The following EXOC6B variants were observed in gnomAD, a reference collection of about 807,000 sequenced individuals.
The protein encoded by EXOC6B is SEC15 homolog B.
Under a neutral mutation model 113.5 loss-of-function variants are expected in EXOC6B, and 54 were observed. That is an observed-to-expected ratio of 0.48 (90% CI 0.38 to 0.60). EXOC6B has a LOEUF of 0.60. Among genes scored for constraint, EXOC6B ranks in the 20% least tolerant of loss-of-function variants. The probability of loss-of-function intolerance (pLI) is 0.00; values close to 1 mark genes in which losing one functional copy is unlikely to be tolerated. For synonymous variants in EXOC6B, 357 were observed against 339.0 expected, an observed-to-expected ratio of 1.05 and a Z score of -0.58; for missense variants, 797 against 977.5, an observed-to-expected ratio of 0.82 and a Z score of 2.46.
chr2:72,546,002 C>T (rs1702878791), intron 8 of EXOC6B, among the ~76,000 whole-genome samples: 1 of 152,196 alleles, frequency 6.6e-6, no homozygotes, highest in Non-Finnish European at 1.5e-5. Flanking sequence ...TCTTTGGTTA[C>T]ATGACTATGG....
At chr2:72,395,875 T>C (rs752235308) in intron 18 of EXOC6B, among the ~76,000 whole-genome samples, 20 of 152,082 alleles carry the variant, frequency 1.3e-4, no homozygotes, top group Non-Finnish European at 2.4e-4. Flanking sequence ...TGGCACATAA[T>C]TGGGGCTCAA....
At chr2:72,468,808 A>G (rs1347041549) in intron 17 of EXOC6B, among the ~76,000 whole-genome samples, 1 of 152,044 alleles carries the variant, frequency 6.6e-6, no homozygotes, top group African/African-American at 2.4e-5. Flanking sequence ...TTTTTCTTCA[A>G]TGTTTTGTAG....
intron 20 of EXOC6B, among the ~76,000 whole-genome samples, chr2:72,265,239 T>TTTTTTATTATTATTATTA (rs369845723): frequency 6.8e-6 from 1 of 146,848 alleles, no homozygotes; most frequent in African/African-American, 2.5e-5. Context: ...TAACTATTCT[T>TTTTTTATTATTATTATTA]TTATTATTAT....
intron 1 of EXOC6B, among the ~76,000 whole-genome samples, chr2:72,747,959 T>C (rs371575138): frequency 6.6e-6 from 1 of 152,064 alleles, no homozygotes. Context: ...GGAGAGACTA[T>C]GTCTTACCCA....
At chr2:72,402,521 T>C (rs1693405665) in intron 18 of EXOC6B, among the ~76,000 whole-genome samples, 1 of 152,224 alleles carries the variant, frequency 6.6e-6, no homozygotes, top group African/African-American at 2.4e-5. Context: ...GCATTTCTTG[T>C]AGGGCTTGTC....
chr2:72,472,688 G>T (rs1268792845), intron 17 of EXOC6B, among the ~76,000 whole-genome samples: 1 of 151,732 alleles, frequency 6.6e-6, no homozygotes, highest in Non-Finnish European at 1.5e-5. Flanking sequence ...TTTCTTTTCA[G>T]TTCTACTATG....
intron 20 of EXOC6B, among the ~76,000 whole-genome samples, chr2:72,277,827 A>G (rs1473138257): frequency 1.4e-5 from 2 of 139,452 alleles, no homozygotes; most frequent in African/African-American, 6.3e-5. Flanking sequence ...AAATCATTTC[A>G]CCAAAATTAA....
chr2:72,796,700 A>G (rs1212171764), intron 1 of EXOC6B, among the ~76,000 whole-genome samples: 4 of 152,056 alleles, frequency 2.6e-5, no homozygotes, highest in Admixed American at 2.0e-4. Context: ...AAAAAAAAAA[A>G]TCTTCCTATC....
At chr2:72,349,855 G>A (rs957851527) in intron 19 of EXOC6B, among the ~76,000 whole-genome samples, 20 of 152,252 alleles carry the variant, frequency 1.3e-4, no homozygotes, top group Admixed American at 1.0e-3. Flanking sequence ...CAGGTGGCCC[G>A]AGGACACCAG....
intron 2 of EXOC6B, among the ~76,000 whole-genome samples, chr2:72,738,679 G>A (rs1346651552): frequency 6.6e-6 from 1 of 152,152 alleles, no homozygotes; most frequent in Non-Finnish European, 1.5e-5. Flanking sequence ...ACGCACTATT[G>A]AGATTCTTTA....
chr2:72,814,086 T>C (rs189847325), intron 1 of EXOC6B, among the ~76,000 whole-genome samples: 112 of 152,296 alleles, frequency 7.4e-4, no homozygotes, highest in African/African-American at 2.6e-3. Flanking sequence ...TACCAAAAGA[T>C]ATGCGTGAGT....
intron 8 of EXOC6B, among the ~76,000 whole-genome samples, chr2:72,558,334 G>T (rs919427276): frequency 2.6e-5 from 4 of 151,796 alleles, no homozygotes; most frequent in South Asian, 4.2e-4. Flanking sequence ...TGAAGAAGTG[G>T]GCAAGAGAGG....
At chr2:72,313,703 CT>C (rs1371855452) in intron 20 of EXOC6B, among the ~76,000 whole-genome samples, 1 of 152,142 alleles carries the variant, frequency 6.6e-6, no homozygotes, top group Non-Finnish European at 1.5e-5. Flanking sequence ...TCTCTGAAAC[CT>C]ATGCTGTCCA....
intron 18 of EXOC6B, among the ~76,000 whole-genome samples, chr2:72,426,652 C>G (rs935690839): frequency 2.6e-5 from 4 of 152,194 alleles, no homozygotes; most frequent in Admixed American, 2.6e-4. Context: ...GATCCTCTGT[C>G]AGACCCCACC....
chr2:72,440,448 G>A (rs1165690325), intron 18 of EXOC6B, among the ~76,000 whole-genome samples: 2 of 152,118 alleles, frequency 1.3e-5, no homozygotes, highest in African/African-American at 4.8e-5. Context: ...CTAAGTGAAG[G>A]AGAAATAAGA....
At chr2:72,616,124 A>G (rs1277225769) in intron 6 of EXOC6B, among the ~76,000 whole-genome samples, 2 of 152,144 alleles carry the variant, frequency 1.3e-5, no homozygotes, top group African/African-American at 2.4e-5. Flanking sequence ...GAAGACACCA[A>G]TGAAAGAAGA....
At chr2:72,635,184 A>G (rs1672735155) in intron 6 of EXOC6B, among the ~76,000 whole-genome samples, 1 of 152,150 alleles carries the variant, frequency 6.6e-6, no homozygotes, top group Non-Finnish European at 1.5e-5. Context: ...TAATTCTAAA[A>G]TACACAGAAG....
chr2:72,437,076 T>A (rs974249549), intron 18 of EXOC6B, among the ~76,000 whole-genome samples: 2 of 152,222 alleles, frequency 1.3e-5, no homozygotes, highest in African/African-American at 4.8e-5. Context: ...GACCTTTGCA[T>A]GGGGTTTTTC....
intron 6 of EXOC6B, among the ~76,000 whole-genome samples, chr2:72,624,756 T>TAAC (rs375062746): frequency 2.6e-5 from 4 of 152,126 alleles, no homozygotes; most frequent in Admixed American, 2.0e-4. Context: ...TTAAAAACGA[T>TAAC]AACAACAACA....
Sources: gnomAD v4.1 joint callset for allele counts (sites outside exome capture counted in the v4.1 genomes callset) on GRCh38, gnomAD v4.1.1 for gene constraint, MANE v1.5 for transcripts, NCBI Gene and HGNC (gene_info 2026-07-23, HGNC 2026-07-21) for gene names.